The following MAGI2 variants were observed in gnomAD, a reference collection of about 807,000 sequenced individuals.
MAGI2 encodes the protein membrane-associated guanylate kinase, WW and PDZ domain-containing protein 2.
A neutral mutation model predicts 133.3 loss-of-function variants in MAGI2; 35 were observed. The observed-to-expected ratio is 0.26, with a 90% CI of 0.20 to 0.35. The LOEUF is 0.35. Among genes scored for constraint, MAGI2 ranks in the 10% least tolerant of loss-of-function variants. The pLI, the probability that MAGI2 is intolerant of heterozygous loss-of-function variation, is 1.00. For missense variants in MAGI2, 1,636 were observed against 1,863.4 expected, an observed-to-expected ratio of 0.88 and a Z score of 2.25; for synonymous variants, 729 against 710.6, an observed-to-expected ratio of 1.03 and a Z score of -0.41.
At chr7:79,413,386 A>G (rs1189565918) in intron 1 of MAGI2, 3 of 152,118 alleles carry the variant, frequency 2.0e-5, no homozygotes, top group Non-Finnish European at 4.4e-5. Context: ...AGTGGCAGGA[A>G]TTTTGATAGC....
At chr7:78,292,141 T>C (rs1157460209) in intron 9 of MAGI2, among the ~76,000 whole-genome samples, 1 of 152,156 alleles carries the variant, frequency 6.6e-6, no homozygotes, top group African/African-American at 2.4e-5. Flanking sequence ...GGAAGTCAAA[T>C]TGTCCCTGTT....
chr7:78,633,770 TTC>T (rs1300711287), intron 2 of MAGI2, among the ~76,000 whole-genome samples: 1 of 150,694 alleles, frequency 6.6e-6, no homozygotes, highest in Non-Finnish European at 1.5e-5. Flanking sequence ...GATAAAAAGG[TTC>T]TTAGATTAAA....
intron 2 of MAGI2, among the ~76,000 whole-genome samples, chr7:78,782,686 T>C (rs1408719571): frequency 6.6e-6 from 1 of 151,720 alleles, no homozygotes; most frequent in Non-Finnish European, 1.5e-5. Flanking sequence ...TAAAGAAAAA[T>C]AGGGGATGGT....
chr7:78,725,776 G>T (rs1029738643), intron 2 of MAGI2, among the ~76,000 whole-genome samples: 1 of 152,202 alleles, frequency 6.6e-6, no homozygotes, highest in African/African-American at 2.4e-5. Context: ...TCCAGCCTGG[G>T]CGTCAGAGGG....
At chr7:78,996,357 T>C (rs1806309432) in intron 2 of MAGI2, among the ~76,000 whole-genome samples, 1 of 152,158 alleles carries the variant, frequency 6.6e-6, no homozygotes, top group South Asian at 2.1e-4. Flanking sequence ...CACTGAAGTG[T>C]TCTGAGATAT....
chr7:78,431,074 C>CTGTGTGTG lies in MAGI2; in HGVS notation c.1045+58679_1045+58686dup, dbSNP rs147567944. Among the ~76,000 whole-genome samples, 275 of 146,510 alleles carry CTGTGTGTG rather than the reference C, an allele frequency of 1.9e-3. 1 individual carries two copies. The highest frequency in any genetic ancestry group is 7.7e-3 in the Admixed American group (112 of 14,592). The stretch of plus-strand genomic sequence containing the variant: ...TGCCTGTTGGAATCAGTGAGGTAGG[C>CTGTGTGTG]TGTGTGTGTGTGTGTGTGTGTGTGT... On this transcript the variant is annotated intron_variant, in intron 6 of 21. Transcript: ENST00000354212.
intron 3 of MAGI2, among the ~76,000 whole-genome samples, chr7:78,577,805 C>T (rs1802422902): frequency 6.6e-6 from 1 of 152,058 alleles, no homozygotes; most frequent in African/African-American, 2.4e-5. Context: ...TCAGTTAAGG[C>T]AGAAACTGGC....
At chr7:79,356,452 A>C (rs1410141245) in intron 1 of MAGI2, among the ~76,000 whole-genome samples, 7 of 152,198 alleles carry the variant, frequency 4.6e-5, no homozygotes, top group African/African-American at 7.2e-5. Flanking sequence ...GAAGAAAAAC[A>C]GAAAAGTATT....
rs889113629 is a variant in MAGI2, at chr7:79,199,936, A to G, written c.302-192730T>C. The stretch of plus-strand genomic sequence containing the variant: ...TTACACAGCCTAGTTTTTCTCCACA[A>G]TGATGGAAAACTAAGAAATATATCA... On this transcript the variant is annotated intron_variant, in intron 1 of 21. Coordinates refer to ENST00000354212, the MANE Select transcript of MAGI2 (RefSeq NM_012301.4). 2.4e-4 allele frequency among the ~76,000 whole-genome samples: 36 copies of G among 152,088 alleles called. 1 individual carries two copies. The highest frequency in any genetic ancestry group is 2.1e-4 in the South Asian group (1 of 4,814).
At chr7:79,367,734 T>C (rs970275085) in intron 1 of MAGI2, among the ~76,000 whole-genome samples, 2 of 151,678 alleles carry the variant, frequency 1.3e-5, no homozygotes, top group African/African-American at 4.8e-5. Context: ...AGGTTTTTTA[T>C]ACCAATTTAT....
chr7:78,440,923 C>T (rs1284756511), intron 6 of MAGI2, among the ~76,000 whole-genome samples: 1 of 152,002 alleles, frequency 6.6e-6, no homozygotes. Flanking sequence ...ACTGCACTCC[C>T]ACCTGGCAAC....
chr7:78,893,734 G>T (rs549912091), intron 2 of MAGI2, among the ~76,000 whole-genome samples: 1 of 152,214 alleles, frequency 6.6e-6, no homozygotes, highest in East Asian at 1.9e-4. Flanking sequence ...GTTGTGGGTT[G>T]GGGGCGGGGG....
At chr7:78,739,955 A>T (rs1023118583) in intron 2 of MAGI2, among the ~76,000 whole-genome samples, 1 of 152,054 alleles carries the variant, frequency 6.6e-6, no homozygotes, top group Non-Finnish European at 1.5e-5. Flanking sequence ...TCAGGAGATC[A>T]AGACCATCCT....
intron 1 of MAGI2, among the ~76,000 whole-genome samples, chr7:79,296,273 TC>T (rs1321802590): frequency 3.3e-5 from 5 of 152,176 alleles, no homozygotes; most frequent in African/African-American, 1.2e-4. Context: ...AGAAATCATA[TC>T]CCCTTTTCAT....
chr7:78,302,163 T>G (rs1216209856), intron 9 of MAGI2, among the ~76,000 whole-genome samples: 1 of 152,224 alleles, frequency 6.6e-6, no homozygotes, highest in Non-Finnish European at 1.5e-5. Context: ...GTTATTGAAT[T>G]ACATTAAATA....
chr7:78,515,824 G>A (rs913437330), intron 4 of MAGI2, among the ~76,000 whole-genome samples: 5 of 150,696 alleles, frequency 3.3e-5, no homozygotes, highest in East Asian at 2.0e-4. Context: ...GCTTGAACAC[G>A]GGAAGCGGAG....
At chr7:79,421,910 T>A (rs1846984557) in intron 1 of MAGI2, among the ~76,000 whole-genome samples, 2 of 152,044 alleles carry the variant, frequency 1.3e-5, no homozygotes, top group Admixed American at 6.6e-5. Context: ...GGTCCTCATA[T>A]TCTTGTATTT....
At chr7:78,198,041 C>A (rs1249354277) in intron 11 of MAGI2, among the ~76,000 whole-genome samples, 1 of 152,180 alleles carries the variant, frequency 6.6e-6, no homozygotes. Context: ...CCTTCATGAA[C>A]CCCCTGGATT....
chr7:79,108,471 C>A (rs551198240), intron 1 of MAGI2, among the ~76,000 whole-genome samples: 1 of 152,252 alleles, frequency 6.6e-6, no homozygotes, highest in South Asian at 2.1e-4. Flanking sequence ...GTAGAAATAT[C>A]TGATGGAAAT....
Sources: allele counts gnomAD v4.1 joint callset (sites outside exome capture counted in the v4.1 genomes callset), GRCh38; gene constraint gnomAD v4.1.1; transcripts MANE v1.5; gene names NCBI Gene and HGNC (gene_info 2026-07-23, HGNC 2026-07-21).